Variants in KIAA1755 observed in about 807,000 individuals in gnomAD.
KIAA1755 encodes the protein uncharacterized protein KIAA1755.
A neutral mutation model predicts 91.7 loss-of-function variants in KIAA1755; 68 were observed. The observed-to-expected ratio is 0.74, with a 90% CI of 0.61 to 0.91. The LOEUF is 0.91. KIAA1755 is among the 40% of genes least tolerant of loss of function. The pLI is 0.00. For missense variants in KIAA1755, 1,535 were observed against 1,494.4 expected (o/e 1.03, Z -0.45); for synonymous variants, 610 against 604.6 (o/e 1.01, Z -0.13).
In KIAA1755 at chr20:38,219,661, C is replaced by T. The variant is rs202195739; in HGVS notation, c.2525G>A (p.Arg842His). 1.0e-4 allele frequency: 166 copies of T among 1,614,086 alleles called. No individual in the cohort carries two copies. The highest frequency in any genetic ancestry group is 9.8e-4 in the East Asian group (44 of 44,884). ...AATGGCAGCTTCCAGGCGGCCCAGG[C>T]GGACACGGAGCTCCAGCTTCCCCAG... The part of the protein sequence containing the change: ...SLLGKLELRV[R>H]LGRLEAAIHQ... The change falls in exon 11 of 14, where the codon CGC (arginine) becomes CAC (histidine). Residue 842 changes from arginine to histidine, a missense_variant. Transcript: ENST00000279024.
chr20:38,225,326 T>C (rs1450369743), intron 8 of KIAA1755, among the ~76,000 whole-genome samples: 1 of 152,148 alleles, frequency 6.6e-6, no homozygotes, highest in Non-Finnish European at 1.5e-5. Context: ...TCAGTTAACA[T>C]AGACCTAGCT....
chr20:38,237,486 G>A (rs1299042644), intron 4 of KIAA1755, among the ~76,000 whole-genome samples: 2 of 152,126 alleles, frequency 1.3e-5, no homozygotes, highest in African/African-American at 4.8e-5. Flanking sequence ...GCAAGCGAGT[G>A]AGTGTTTGAA....
rs1373715763 is a variant in KIAA1755 at position 38,225,695 on chromosome 20, G to A, written c.2139C>T (p.Tyr713=). 3.7e-6 allele frequency: 6 copies of A among 1,613,396 alleles called. No homozygotes were observed. The highest frequency in any genetic ancestry group is 1.7e-5 in the Admixed American group (1 of 59,942). ...AGAAATGAACCCACTCGGTGTGGCA[G>A]TAGGGGAAGGGGCCTTCCAGGACTG... ...LPAVLEGPFP[Y]CHTEWVHFFQ... is the part of the protein sequence containing the mutation. The change falls in exon 8 of 14, where the codon TAC becomes TAT. Residue 713 remains tyrosine (Y), a synonymous_variant. Coordinates refer to ENST00000279024, the MANE Select transcript of KIAA1755 (RefSeq NM_001029864.2).
intron 9 of KIAA1755, 77 bp downstream of exon 9, chr20:38,223,461 G>A (rs754691566): frequency 3.2e-5 from 31 of 961,420 alleles, no homozygotes; most frequent in Middle Eastern, 2.2e-4. Context: ...TCCCCAGGCC[G>A]TCCCCTTCTC....
Position 38,213,083 on chromosome 20 carries a change from G to A in KIAA1755, c.3562C>T (p.Leu1188Phe), listed in dbSNP as rs777924110. ...SSEGTDSQTS[L>F]EDSPQTSPLA... ...GGACTTGTCTGGGGTGAGTCCTCAA[G>A]GGATGTCTGTGAGTCTGTCCCCTCT... Residue 1188 changes from leucine (L) to phenylalanine (F), a missense_variant, in exon 14 of 14, where the codon CTT becomes TTT. Coordinates refer to ENST00000279024, the MANE Select transcript of KIAA1755 (RefSeq NM_001029864.2). The A allele has an allele frequency of 1.9e-6, 3 of 1,578,410 alleles. No individual in the cohort carries two copies. Among genetic ancestry groups the A allele is most frequent in the Non-Finnish European group, 2.6e-6 (3 of 1,160,234 alleles).
chr20:38,246,457 TG>T (rs1052966853), intron 1 of KIAA1755, among the ~76,000 whole-genome samples: 1 of 137,518 alleles, frequency 7.3e-6, no homozygotes, highest in African/African-American at 2.6e-5. Flanking sequence ...GGAATAGGGG[TG>T]GGGGGTGGGC....
chr20:38,239,667 C>G lies in KIAA1755; in HGVS notation c.1608G>C (p.Glu536Asp), dbSNP rs532455401. 5 of 1,608,476 alleles carry G rather than the reference C, an allele frequency of 3.1e-6. No homozygotes were observed. In the African/African-American group the frequency reaches 5.4e-5, roughly 17 times the overall value. ...AAGCTTCTGGCAAGGCAGCCTTTTC[C>G]TCAGTCAGTGGGCTGGGGGCAGTGG... ...GPATAPSPLT[E>D]EKAALPEASA... Residue 536 changes from glutamate (E) to aspartate (D), a missense_variant, in exon 4 of 14, where the codon GAG (glutamate) becomes GAC (aspartate). By Grantham distance (45) the Glu-to-Asp change is conservative. Coordinates refer to ENST00000279024, the MANE Select transcript of KIAA1755 (RefSeq NM_001029864.2).
At chr20:38,228,291 G>C (rs747818441) in intron 5 of KIAA1755, 51 bp from the exon 6 acceptor site, 92 of 1,420,128 alleles carry the variant, frequency 6.5e-5, no homozygotes, top group Non-Finnish European at 8.2e-5. Flanking sequence ...CTCGGACAGG[G>C]GGCAGGACCT....
At chr20:38,239,171 C>T (rs1211043417) in intron 4 of KIAA1755, among the ~76,000 whole-genome samples, 1 of 152,232 alleles carries the variant, frequency 6.6e-6, no homozygotes, top group African/African-American at 2.4e-5. Flanking sequence ...GCTCCTTCCC[C>T]TGCCTTGACC....
rs2076039110 is a variant in KIAA1755 at position 38,240,624 on chromosome 20, G to A, written c.1507C>T (p.Leu503Phe). ...GCTCGGTTGGGTTTAGGAGAGTAGA[G>A]GGAACACAGGACTTTCCAGGGCCCA... ...HNGPWKVLCS[L>F]YSPKPNRAKS... The change falls in exon 3 of 14, where the codon CTC (leucine) becomes TTC (phenylalanine). Residue 503 changes from leucine to phenylalanine, a missense_variant. By Grantham distance (22) the Leu-to-Phe change is conservative. Coordinates refer to ENST00000279024, the MANE Select transcript of KIAA1755 (RefSeq NM_001029864.2). 4 of 1,511,368 alleles carry A rather than the reference G, an allele frequency of 2.6e-6. No homozygotes were observed. Among genetic ancestry groups the A allele is most frequent in the African/African-American group, 1.4e-5 (1 of 71,600 alleles). The allele number at this position is 1,511,368 out of a possible 1,614,324, so 93.6% of individuals were successfully genotyped here.
chr20:38,249,283 G>C (rs552381550), intron 1 of KIAA1755, among the ~76,000 whole-genome samples: 99 of 152,242 alleles, frequency 6.5e-4, no homozygotes, highest in African/African-American at 1.9e-3. Flanking sequence ...GGCCCTTCTG[G>C]TTGCCCCAGC....
chr20:38,240,962 C>T lies in KIAA1755; in HGVS notation c.1169G>A (p.Gly390Asp), dbSNP rs1166423734. Residue 390 changes from glycine (G) to aspartate (D), a missense_variant, in exon 3 of 14, where the codon GGT becomes GAT. Physicochemically the swap from Gly to Asp is moderately conservative, Grantham distance 94. Coordinates refer to ENST00000279024, the MANE Select transcript of KIAA1755 (RefSeq NM_001029864.2). ...ALDCASGLRAGVSQEPAASKM... is the reference protein window; with the variant it reads ...ALDCASGLRADVSQEPAASKM... Reference sequence around the variant, plus strand: ...GGAGGCAGCTGGCTCTTGTGAGACACCTGCCCTGAGACCAGAGGCACAGTC... The same window carrying T: ...GGAGGCAGCTGGCTCTTGTGAGACATCTGCCCTGAGACCAGAGGCACAGTC... The T allele has an allele frequency of 1.9e-6, 3 of 1,614,076 alleles. No individual in the cohort carries two copies. Among genetic ancestry groups the T allele is most frequent in the Non-Finnish European group, 2.5e-6 (3 of 1,179,990 alleles).
In KIAA1755 at chr20:38,246,086, G is replaced by T. The variant is rs142942023; in HGVS notation, c.44C>A (p.Ala15Glu). The part of the protein sequence containing the change: ...SLDTAIQHAL[A>E]GLYPPFEATA... The stretch of plus-strand genomic sequence containing the variant: ...GGCCTCGAAAGGAGGATAGAGGCCC[G>T]CCAGGGCATGCTGGATGGCTGTGTC... The change falls in exon 2 of 14, where the codon GCG becomes GAG. Residue 15 changes from alanine to glutamate, a missense_variant. Transcript: ENST00000279024. 5.6e-6 allele frequency: 9 copies of T among 1,613,778 alleles called. No homozygotes were observed. The highest frequency in any genetic ancestry group is 3.3e-5 in the South Asian group (3 of 91,062).
intron 2 of KIAA1755, among the ~76,000 whole-genome samples, 183 bp downstream of exon 2, chr20:38,245,745 TC>T (rs140558044): frequency 3.6e-4 from 55 of 152,198 alleles, no homozygotes; most frequent in African/African-American, 1.3e-3. Flanking sequence ...ACAAGGTAAA[TC>T]CCCTTCGATC....
At chr20:38,221,483 T>C (rs2075658276) in intron 10 of KIAA1755, among the ~76,000 whole-genome samples, 1 of 152,042 alleles carries the variant, frequency 6.6e-6, no homozygotes, top group Non-Finnish European at 1.5e-5. Context: ...CAGCTCTGGG[T>C]GGTGTGTTCA....
At chr20:38,219,349 A>C (rs1186674609) in intron 11 of KIAA1755, among the ~76,000 whole-genome samples, 2 of 152,212 alleles carry the variant, frequency 1.3e-5, no homozygotes, top group Non-Finnish European at 2.9e-5. Context: ...ATGAGTTCAG[A>C]AAGCAATGAT....
At chr20:38,215,624 C>T (rs1394671082) in intron 13 of KIAA1755, among the ~76,000 whole-genome samples, 1 of 152,138 alleles carries the variant, frequency 6.6e-6, no homozygotes, top group East Asian at 1.9e-4. Flanking sequence ...GGAAGAAAGA[C>T]AAGAAGCCAG....
chr20:38,216,214 C>G (rs932882048), intron 13 of KIAA1755, among the ~76,000 whole-genome samples: 1 of 152,240 alleles, frequency 6.6e-6, no homozygotes, highest in Non-Finnish European at 1.5e-5. Flanking sequence ...AAGCCCCAGA[C>G]TCCAAGGCTC....
Position 38,219,630 on chromosome 20 carries a change from C to G in KIAA1755, c.2556G>C (p.Gln852His). 1 of 1,614,058 alleles carries G rather than the reference C, an allele frequency of 6.2e-7. No homozygotes were observed. The stretch of plus-strand genomic sequence containing the variant: ...ACCCCAAGCCAGACACCCCTTTCAC[C>G]TGGTGAATGGCAGCTTCCAGGCGGC... ...RLGRLEAAIH[Q>H]VSDWMEQEGR... is the part of the protein sequence containing the mutation. The change falls in exon 11 of 14, where the codon CAG (glutamine) becomes CAC (histidine). Residue 852 changes from glutamine to histidine, a missense_variant and splice_region_variant. Coordinates refer to ENST00000279024, the MANE Select transcript of KIAA1755 (RefSeq NM_001029864.2).
Sources: gnomAD v4.1 joint callset for allele counts (sites outside exome capture counted in the v4.1 genomes callset) on GRCh38, gnomAD v4.1.1 for gene constraint, MANE v1.5 for transcripts, NCBI Gene and HGNC (gene_info 2026-07-23, HGNC 2026-07-21) for gene names.